GRIK2: variants seen among roughly 807,000 people sequenced by gnomAD.
GRIK2 encodes glutamate receptor ionotropic, kainate 2.
Under a neutral mutation model 100.3 loss-of-function variants are expected in GRIK2, and 32 were observed. That is an observed-to-expected ratio of 0.32 (90% CI 0.24 to 0.43). The LOEUF is 0.43. Ranked by LOEUF, GRIK2 falls within the 20% of genes least tolerant of loss-of-function variation. The probability of loss-of-function intolerance (pLI) is 1.00; values close to 1 mark genes in which losing one functional copy is unlikely to be tolerated. For synonymous variants in GRIK2, 417 were observed against 389.4 expected (o/e 1.07, Z -0.83); for missense variants, 843 against 1,114.9 (o/e 0.76, Z 3.47).
At chr6:102,017,808 C>T (rs976722993) in intron 14 of GRIK2, among the ~76,000 whole-genome samples, 2 of 152,030 alleles carry the variant, frequency 1.3e-5, no homozygotes, top group Admixed American at 6.6e-5. Flanking sequence ...AGGTGTGTCC[C>T]GTCTACTACT....
At chr6:101,611,339 G>C (rs555164433) in intron 2 of GRIK2, among the ~76,000 whole-genome samples, 41 of 151,736 alleles carry the variant, frequency 2.7e-4, no homozygotes, top group African/African-American at 9.7e-4. Flanking sequence ...TTTTTCAAAT[G>C]CCCAGGACAA....
chr6:101,951,560 A>G (rs1011206512), intron 14 of GRIK2, among the ~76,000 whole-genome samples: 2 of 152,202 alleles, frequency 1.3e-5, no homozygotes, highest in African/African-American at 4.8e-5. Context: ...GATATGGTTT[A>G]GCTGTGTTCC....
intron 14 of GRIK2, among the ~76,000 whole-genome samples, chr6:102,016,128 A>C (rs74760899): frequency 0.13 from 20,410 of 152,192 alleles, 1,523 homozygotes; most frequent in East Asian, 0.23. Context: ...CTAGTTGTCC[A>C]ACAAGGATTC....
chr6:101,632,213 C>A (rs1780780361), intron 4 of GRIK2, among the ~76,000 whole-genome samples: 1 of 152,026 alleles, frequency 6.6e-6, no homozygotes, highest in South Asian at 2.1e-4. Flanking sequence ...CCAAACACAT[C>A]CCAAAGGACC....
At chr6:101,424,674 G>T (rs1366780146) in intron 2 of GRIK2, among the ~76,000 whole-genome samples, 2 of 148,036 alleles carry the variant, frequency 1.4e-5, no homozygotes, top group East Asian at 2.1e-4. Context: ...CCATTAACTC[G>T]TCATTTAGCA....
chr6:101,726,559 C>T (rs1283671501), intron 7 of GRIK2, among the ~76,000 whole-genome samples: 1 of 151,788 alleles, frequency 6.6e-6, no homozygotes, highest in African/African-American at 2.4e-5. Context: ...ACAGTTATAT[C>T]GATGATTAGA....
intron 2 of GRIK2, among the ~76,000 whole-genome samples, chr6:101,421,342 C>T (rs1293732596): frequency 2.6e-5 from 4 of 152,164 alleles, no homozygotes; most frequent in Non-Finnish European, 5.9e-5. Context: ...CCTTTAGCAT[C>T]GTAGAAGTTG....
At chr6:101,833,197 T>C (rs575770475) in intron 10 of GRIK2, among the ~76,000 whole-genome samples, 52 of 152,206 alleles carry the variant, frequency 3.4e-4, no homozygotes, top group Admixed American at 1.1e-3. Flanking sequence ...ACTTTACTCT[T>C]CATGCCTGAT....
At chr6:101,422,025 T>A (rs1231785170) in intron 2 of GRIK2, among the ~76,000 whole-genome samples, 3 of 152,206 alleles carry the variant, frequency 2.0e-5, no homozygotes, top group Non-Finnish European at 1.5e-5. Context: ...TTGCTCCTAT[T>A]ATTAATACTT....
chr6:102,066,843 A>G (rs1372393089), intron 16 of GRIK2, among the ~76,000 whole-genome samples: 1 of 151,762 alleles, frequency 6.6e-6, no homozygotes, highest in Non-Finnish European at 1.5e-5. Context: ...TTTACAGAAG[A>G]GTGGCGTAGA....
chr6:101,934,370 G>A (rs1486052073), intron 14 of GRIK2, among the ~76,000 whole-genome samples: 2 of 151,814 alleles, frequency 1.3e-5, no homozygotes, highest in East Asian at 1.9e-4. Context: ...GCTATAACAT[G>A]TTCTTTATAG....
At chr6:101,829,597 A>G (rs117174868) in intron 10 of GRIK2, among the ~76,000 whole-genome samples, 4,272 of 152,106 alleles carry the variant, frequency 0.028, 93 homozygotes, top group South Asian at 0.062. Flanking sequence ...TTATACACCA[A>G]TAGCATTCAG....
At chr6:101,812,063 T>C (rs1781367893) in intron 9 of GRIK2, among the ~76,000 whole-genome samples, 1 of 151,320 alleles carries the variant, frequency 6.6e-6, no homozygotes. Context: ...AAAATGGAAA[T>C]TCATAGTAAA....
At chr6:101,454,210 T>C (rs547206685) in intron 2 of GRIK2, among the ~76,000 whole-genome samples, 1 of 152,244 alleles carries the variant, frequency 6.6e-6, no homozygotes, top group East Asian at 1.9e-4. Flanking sequence ...TGATTTTGTA[T>C]AAAACAAGTT....
chr6:101,464,557 G>A (rs1343550093), intron 2 of GRIK2, among the ~76,000 whole-genome samples: 2 of 118,420 alleles, frequency 1.7e-5, no homozygotes, highest in Middle Eastern at 6.3e-3. Context: ...TCACTCTGTC[G>A]CCAGGCTGGA....
At chr6:101,774,462 C>CT (rs1452132355) in intron 7 of GRIK2, among the ~76,000 whole-genome samples, 6 of 152,100 alleles carry the variant, frequency 3.9e-5, no homozygotes, top group African/African-American at 1.4e-4. Context: ...TTAACAGGTT[C>CT]TAAATTATTA....
chr6:101,740,418 T>G lies in GRIK2; in HGVS notation c.951+54065T>G, dbSNP rs553988448. 2.7e-5 allele frequency among the ~76,000 whole-genome samples: 4 copies of G among 150,308 alleles called. No individual in the cohort carries two copies. In the South Asian group the frequency reaches 8.8e-4, roughly 33 times the overall value. ...TATTATTTATACCCAATAACAGCAA[T>G]TTTTAAAAGGAAAAGGGGGAGAGGA... is the stretch of plus-strand genomic sequence containing the variant. On this transcript the variant is annotated intron_variant, in intron 7 of 16. Coordinates refer to ENST00000369134, the MANE Select transcript of GRIK2 (RefSeq NM_021956.5).
intron 12 of GRIK2, among the ~76,000 whole-genome samples, chr6:101,907,655 TG>T (rs1788325207): frequency 1.3e-5 from 2 of 151,814 alleles, no homozygotes; most frequent in South Asian, 4.1e-4. Context: ...CATTGGGTTT[TG>T]CGGTTTTTAA....
chr6:101,714,095 C>A (rs1773899840), intron 7 of GRIK2, among the ~76,000 whole-genome samples: 1 of 151,634 alleles, frequency 6.6e-6, no homozygotes, highest in Non-Finnish European at 1.5e-5. Flanking sequence ...TTTAGAGTAA[C>A]ATATGCATTT....
Sources: gnomAD v4.1 joint callset for allele counts (sites outside exome capture counted in the v4.1 genomes callset) on GRCh38, gnomAD v4.1.1 for gene constraint, MANE v1.5 for transcripts, NCBI Gene and HGNC (gene_info 2026-07-23, HGNC 2026-07-21) for gene names.